PARD3: variants seen among roughly 807,000 people sequenced by gnomAD.
PARD3 encodes partitioning defective 3 homolog.
In PARD3, 75 loss-of-function variants were observed where a neutral mutation model predicts 155.4. The ratio of observed to expected loss-of-function variants is 0.48; its 90% CI spans 0.40 to 0.58. PARD3 has a LOEUF of 0.58. PARD3 is among the 20% of genes least tolerant of loss of function. The pLI, the probability that PARD3 is intolerant of heterozygous loss-of-function variation, is 0.00. For synonymous variants in PARD3, 576 were observed against 610.5 expected, an observed-to-expected ratio of 0.94 and a Z score of 0.83; for missense variants, 1,642 against 1,721.7, an observed-to-expected ratio of 0.95 and a Z score of 0.82.
chr10:34,765,030 C>T (rs1180258924), intron 1 of PARD3, among the ~76,000 whole-genome samples: 1 of 152,124 alleles, frequency 6.6e-6, no homozygotes, highest in Non-Finnish European at 1.5e-5. Flanking sequence ...AGCTATTTGC[C>T]AACTATTAGA....
intron 3 of PARD3, among the ~76,000 whole-genome samples, chr10:34,471,934 A>T (rs1399776592): frequency 2.0e-5 from 3 of 152,202 alleles, no homozygotes; most frequent in Non-Finnish European, 2.9e-5. Flanking sequence ...ACACTGGTGC[A>T]CTGGTCAATG....
rs554847577 is a variant in PARD3 at position 34,615,947 on chromosome 10, G to C, written c.222+80371C>G. Among the ~76,000 whole-genome samples the C allele has an allele frequency of 1.3e-3, 197 of 152,296 alleles. 1 individual carries two copies. Among genetic ancestry groups the C allele is most frequent in the Non-Finnish European group, 2.3e-3 (155 of 68,026 alleles). Reference sequence around the variant, plus strand: ...ACCAAAAAGACAAAAAATAACAGATGCTGGTGAGGATGTGGAGAAAGGAGA... The same window carrying C: ...ACCAAAAAGACAAAAAATAACAGATCCTGGTGAGGATGTGGAGAAAGGAGA... On this transcript the variant is annotated intron_variant, in intron 2 of 24. Transcript: ENST00000374788.
chr10:34,405,956 T>C (rs557239170), intron 5 of PARD3, among the ~76,000 whole-genome samples: 2 of 152,268 alleles, frequency 1.3e-5, no homozygotes, highest in Admixed American at 1.3e-4. Context: ...CTTGAAAAGA[T>C]TGTCCACAAT....
intron 2 of PARD3, among the ~76,000 whole-genome samples, chr10:34,545,797 AT>A (rs1365833887): frequency 6.6e-6 from 1 of 152,186 alleles, no homozygotes; most frequent in Non-Finnish European, 1.5e-5. Flanking sequence ...ACCTCAGGCA[AT>A]CTGCCCACCT....
intron 3 of PARD3, chr10:34,489,000 A>G (rs1365001850): frequency 1.3e-5 from 2 of 152,586 alleles, no homozygotes; most frequent in South Asian, 2.1e-4. Context: ...TGCCCGCCCC[A>G]CTAAAAGCTT....
At chr10:34,284,053 T>C (rs1956274057) in intron 21 of PARD3, 82 bp downstream of exon 21, 6 of 804,992 alleles carry the variant, frequency 7.5e-6, no homozygotes, top group Non-Finnish European at 1.2e-5. Flanking sequence ...TGTAAAATCT[T>C]TACATTAAAA....
intron 1 of PARD3, among the ~76,000 whole-genome samples, chr10:34,793,690 G>A (rs1367090794): frequency 6.6e-6 from 1 of 152,080 alleles, no homozygotes; most frequent in African/African-American, 2.4e-5. Flanking sequence ...GGAGTCTGAG[G>A]CAGGAGAATT....
chr10:34,333,286 T>C (rs1177076131), intron 18 of PARD3, among the ~76,000 whole-genome samples: 4 of 151,184 alleles, frequency 2.6e-5, no homozygotes, highest in Non-Finnish European at 4.4e-5. Flanking sequence ...CTGACAGCAA[T>C]AAAAACTTAA....
intron 2 of PARD3, among the ~76,000 whole-genome samples, chr10:34,578,015 C>T (rs951900973): frequency 4.6e-5 from 7 of 151,370 alleles, no homozygotes; most frequent in African/African-American, 1.5e-4. Context: ...GCACACCTCA[C>T]TACATGCGGC....
intron 22 of PARD3, among the ~76,000 whole-genome samples, chr10:34,226,913 C>T (rs967048439): frequency 6.6e-6 from 1 of 150,436 alleles, no homozygotes; most frequent in African/African-American, 2.5e-5. Flanking sequence ...AGCATGAATG[C>T]TAAGTTAAAT....
At chr10:34,112,732 A>G (rs1946451405) in intron 24 of PARD3, among the ~76,000 whole-genome samples, 1 of 152,200 alleles carries the variant, frequency 6.6e-6, no homozygotes, top group African/African-American at 2.4e-5. Flanking sequence ...TGCATTTTTG[A>G]ACATTCACAA....
At chr10:34,152,647 A>G (rs537148999) in intron 22 of PARD3, among the ~76,000 whole-genome samples, 1 of 152,332 alleles carries the variant, frequency 6.6e-6, no homozygotes, top group Non-Finnish European at 1.5e-5. Context: ...GATCTCTATC[A>G]TGGCATCTAA....
chr10:34,383,139 T>C (rs1004871247), intron 8 of PARD3, among the ~76,000 whole-genome samples: 4 of 152,150 alleles, frequency 2.6e-5, no homozygotes, highest in African/African-American at 7.2e-5. Flanking sequence ...TCAATAAAAA[T>C]AGAAAAATTA....
chr10:34,627,689 G>T (rs2092052442), intron 2 of PARD3, among the ~76,000 whole-genome samples: 1 of 152,244 alleles, frequency 6.6e-6, no homozygotes, highest in East Asian at 1.9e-4. Context: ...TTTGGGGAGG[G>T]GGGTGTGACC....
intron 16 of PARD3, among the ~76,000 whole-genome samples, chr10:34,340,129 T>C (rs1387649041): frequency 6.6e-6 from 1 of 152,178 alleles, no homozygotes; most frequent in Non-Finnish European, 1.5e-5. Flanking sequence ...ACAGCAAAAT[T>C]ATCCAAGTCC....
At chr10:34,238,332 T>C (rs1184490958) in intron 22 of PARD3, among the ~76,000 whole-genome samples, 2 of 152,206 alleles carry the variant, frequency 1.3e-5, no homozygotes, top group African/African-American at 4.8e-5. Flanking sequence ...CCAGGGTGCA[T>C]TTCATAGCCT....
At chr10:34,411,181 CA>C (rs1845010302) in intron 5 of PARD3, among the ~76,000 whole-genome samples, 1 of 152,060 alleles carries the variant, frequency 6.6e-6, no homozygotes, top group Non-Finnish European at 1.5e-5. Context: ...GGGAGACAGA[CA>C]AAAAGACACA....
intron 2 of PARD3, among the ~76,000 whole-genome samples, chr10:34,681,760 ATATATATATTTTTTTTTTTT>A (rs1449178925): frequency 7.0e-4 from 15 of 21,544 alleles, no homozygotes; most frequent in Middle Eastern, 0.019. Context: ...ATATATATAT[ATATATATATTTTTTTTTTTT>A]TTTTTTTTTT....
chr10:34,409,872 T>G (rs996588738), intron 5 of PARD3, among the ~76,000 whole-genome samples: 2 of 152,314 alleles, frequency 1.3e-5, no homozygotes, highest in Non-Finnish European at 2.9e-5. Flanking sequence ...TAATTTAAAG[T>G]ATTAAACATG....
Sources: gnomAD v4.1 joint callset for allele counts (sites outside exome capture counted in the v4.1 genomes callset) on GRCh38, gnomAD v4.1.1 for gene constraint, MANE v1.5 for transcripts, NCBI Gene and HGNC (gene_info 2026-07-23, HGNC 2026-07-21) for gene names.